PKNOX1: variants seen among roughly 807,000 people sequenced by gnomAD.
PKNOX1 encodes the protein homeobox protein PKNOX1.
A neutral mutation model predicts 51.9 loss-of-function variants in PKNOX1; 15 were observed. The ratio of observed to expected loss-of-function variants is 0.29; its 90% confidence interval spans 0.19 to 0.45. PKNOX1 has a LOEUF of 0.45. Ranked by LOEUF, PKNOX1 falls within the 20% of genes least tolerant of loss-of-function variation. The pLI is 1.00. For synonymous variants in PKNOX1, 219 were observed against 211.1 expected (o/e 1.04, Z -0.32); for missense variants, 462 against 547.5 (o/e 0.84, Z 1.56).
chr21:43,024,074 C>T (rs1979883609), intron 8 of PKNOX1, among the ~76,000 whole-genome samples: 1 of 152,150 alleles, frequency 6.6e-6, no homozygotes, highest in Admixed American at 6.5e-5. Context: ...TTCAATCATA[C>T]ATAAAAGAAG....
At chr21:42,981,591 A>G (rs1426496786) in intron 1 of PKNOX1, among the ~76,000 whole-genome samples, 2 of 152,062 alleles carry the variant, frequency 1.3e-5, no homozygotes, top group East Asian at 3.9e-4. Flanking sequence ...ATAGGGTCTC[A>G]CTTTTTCACC....
chr21:42,995,348 C>G (rs996068266), intron 1 of PKNOX1, among the ~76,000 whole-genome samples: 3 of 152,170 alleles, frequency 2.0e-5, no homozygotes, highest in African/African-American at 7.2e-5. Context: ...TAGAGTGTAT[C>G]CTTTTCATTG....
At chr21:43,003,494 T>C (rs1331227398) in intron 1 of PKNOX1, among the ~76,000 whole-genome samples, 1 of 152,218 alleles carries the variant, frequency 6.6e-6, no homozygotes, top group Non-Finnish European at 1.5e-5. Flanking sequence ...CTGTGTTAGC[T>C]GTTCCCTCTC....
rs556059887 is a variant in PKNOX1 at position 43,023,079 on chromosome 21, C to T, written c.849+1648C>T. On this transcript the variant is annotated intron_variant, in intron 8 of 10. Transcript: ENST00000291547. ...TCCTGTGGGGCGTCCTCAGTCCCTC[C>T]TCACCCTCGTTTCTTGGCAGCGCCG... is the stretch of plus-strand genomic sequence containing the variant. Among the ~76,000 whole-genome samples, 19 of 152,124 alleles carry T rather than the reference C, an allele frequency of 1.2e-4. No homozygotes were observed. In the East Asian group the frequency reaches 3.7e-3, roughly 29 times the overall value.
At chr21:42,981,271 A>G (rs866726113) in intron 1 of PKNOX1, among the ~76,000 whole-genome samples, 12 of 152,378 alleles carry the variant, frequency 7.9e-5, no homozygotes, top group South Asian at 2.1e-4. Flanking sequence ...AAGAGCCAGC[A>G]GGCCTGGTGC....
chr21:43,023,737 C>A (rs531285760), intron 8 of PKNOX1, among the ~76,000 whole-genome samples: 16 of 151,964 alleles, frequency 1.1e-4, no homozygotes, highest in Non-Finnish European at 2.1e-4. Context: ...GCCTCAGCCT[C>A]CCGAATAGCT....
In PKNOX1 at chr21:42,974,593, T is replaced by C. The variant is rs1402921723; in HGVS notation, c.-128T>C. ...CGTGGCCCAGCGTCGGCGTGACGGTTGGACGCGGGCGCGGCACTGCGGGTC... is the reference window on the plus strand; with the variant it reads ...CGTGGCCCAGCGTCGGCGTGACGGTCGGACGCGGGCGCGGCACTGCGGGTC... On this transcript the variant is annotated 5_prime_UTR_variant, in exon 1 of 11. Coordinates refer to ENST00000291547, the MANE Select transcript of PKNOX1 (RefSeq NM_004571.5). 1 of 152,340 alleles carries C rather than the reference T, an allele frequency of 6.6e-6. No individual in the cohort carries two copies. The highest frequency in any genetic ancestry group is 1.5e-5 in the Non-Finnish European group (1 of 68,086). The allele number at this position is 152,340 out of a possible 1,614,324, so 9.4% of individuals were successfully genotyped here.
intron 4 of PKNOX1, among the ~76,000 whole-genome samples, chr21:43,012,716 G>A (rs1176188341): frequency 6.6e-6 from 1 of 152,202 alleles, no homozygotes; most frequent in Non-Finnish European, 1.5e-5. Context: ...CACTATTTGT[G>A]GATGTAGAAA....
intron 4 of PKNOX1, among the ~76,000 whole-genome samples, chr21:43,010,981 G>A (rs1353417839): frequency 6.6e-6 from 1 of 152,156 alleles, no homozygotes; most frequent in Non-Finnish European, 1.5e-5. Flanking sequence ...GGGTGTTCGG[G>A]TGGCATGTCT....
chr21:42,997,521 G>A (rs947560090), intron 1 of PKNOX1, among the ~76,000 whole-genome samples: 2 of 152,230 alleles, frequency 1.3e-5, no homozygotes, highest in Non-Finnish European at 2.9e-5. Context: ...TAATGTCAGT[G>A]ATTAGCTTCA....
At chr21:42,987,409 A>ATATATATATATATATATATATATC (rs1568888893) in intron 1 of PKNOX1, among the ~76,000 whole-genome samples, 1 of 113,276 alleles carries the variant, frequency 8.8e-6, no homozygotes, top group Non-Finnish European at 2.0e-5. Flanking sequence ...AAAAAAATAT[A>ATATATATATATATATATATATATC]TATATATATA....
rs2146292772 is a variant in PKNOX1 at position 43,024,741 on chromosome 21, T to C, written c.850-130T>C. 3 of 635,192 alleles carry C rather than the reference T, an allele frequency of 4.7e-6. No individual in the cohort carries two copies. The East Asian group carries it at 8.3e-5, about 18-fold the overall frequency. 39.3% of individuals were successfully genotyped at this position (635,192 alleles called of 1,614,324 possible). A position where few individuals can be genotyped will look rare whatever the true frequency, so the allele number is the denominator to read the frequency against. ...CTTTGTTCGTGAGACTACAGTTAGG[T>C]TTTGGCTAGAAGCACTGTTGACGTG... On this transcript the variant is annotated intron_variant, in intron 8 of 10. Coordinates refer to ENST00000291547, the MANE Select transcript of PKNOX1 (RefSeq NM_004571.5).
chr21:42,978,262 C>T (rs1209989294), intron 1 of PKNOX1, among the ~76,000 whole-genome samples: 1 of 152,096 alleles, frequency 6.6e-6, no homozygotes, highest in Non-Finnish European at 1.5e-5. Flanking sequence ...GCCTTGGCCT[C>T]CCAAAGTGTT....
intron 7 of PKNOX1, among the ~76,000 whole-genome samples, chr21:43,019,805 G>C (rs935277037): frequency 6.6e-6 from 1 of 152,068 alleles, no homozygotes; most frequent in African/African-American, 2.4e-5. Context: ...GCCTCCCAAA[G>C]TGCTGGGATT....
chr21:43,012,439 A>G (rs1358883894), intron 4 of PKNOX1, among the ~76,000 whole-genome samples: 1 of 152,214 alleles, frequency 6.6e-6, no homozygotes, highest in Non-Finnish European at 1.5e-5. Flanking sequence ...GCACACCTGT[A>G]ATCCCAGCTA....
In PKNOX1 at chr21:43,023,352, C is replaced by A. The variant is rs1010166997; in HGVS notation, c.850-1519C>A. 3.9e-5 allele frequency among the ~76,000 whole-genome samples: 6 copies of A among 152,188 alleles called. No individual in the cohort carries two copies. In the East Asian group the frequency reaches 1.2e-3, roughly 30 times the overall value. ...TGAGGCACATCTGAGGCCGCTCCGT[C>A]CCCATGTGATGGGCAGGGGTGTTTC... is the stretch of plus-strand genomic sequence containing the variant. On this transcript the variant is annotated intron_variant, in intron 8 of 10. Coordinates refer to ENST00000291547, the MANE Select transcript of PKNOX1 (RefSeq NM_004571.5).
intron 1 of PKNOX1, among the ~76,000 whole-genome samples, chr21:42,991,774 C>T (rs1305507401): frequency 2.0e-5 from 3 of 151,644 alleles, no homozygotes; most frequent in Non-Finnish European, 2.9e-5. Flanking sequence ...TTGTATTGTA[C>T]ATCCTAGCAG....
chr21:43,006,564 G>T (rs1217536030), intron 2 of PKNOX1, among the ~76,000 whole-genome samples: 1 of 152,072 alleles, frequency 6.6e-6, no homozygotes, highest in Non-Finnish European at 1.5e-5. Flanking sequence ...AAAGGCAGCA[G>T]AATAGAAGTC....
At chr21:42,986,392 T>G (rs1187102523) in intron 1 of PKNOX1, among the ~76,000 whole-genome samples, 2 of 152,072 alleles carry the variant, frequency 1.3e-5, no homozygotes, top group Non-Finnish European at 2.9e-5. Context: ...TCCCAGCTAC[T>G]GGGGAGGCTG....
Sources: gnomAD v4.1 joint callset for allele counts (sites outside exome capture counted in the v4.1 genomes callset) on GRCh38, gnomAD v4.1.1 for gene constraint, MANE v1.5 for transcripts, NCBI Gene and HGNC (gene_info 2026-07-23, HGNC 2026-07-21) for gene names.